The following TNRC18 variants were observed in gnomAD, a reference collection of about 807,000 sequenced individuals.
TNRC18 encodes trinucleotide repeat-containing gene 18 protein.
In TNRC18, 69 loss-of-function variants were observed where a neutral mutation model predicts 226.7. The ratio of observed to expected loss-of-function variants is 0.30; its 90% CI spans 0.25 to 0.37. TNRC18 has a LOEUF of 0.37. Among genes scored for constraint, TNRC18 ranks in the 10% least tolerant of loss-of-function variants. The pLI is 1.00. For missense variants in TNRC18, 4,754 were observed against 4,256.6 expected (o/e 1.12, Z -3.25); for synonymous variants, 2,449 against 1,927.6 (o/e 1.27, Z -7.09).
intron 2 of TNRC18, among the ~76,000 whole-genome samples, chr7:5,406,794 T>C (rs989352997): frequency 1.4e-5 from 2 of 147,314 alleles, no homozygotes; most frequent in Non-Finnish European, 3.0e-5. Flanking sequence ...GAGGTTGCAG[T>C]GAGCCGAGAT....
intron 9 of TNRC18, 31 bp downstream of exon 9, chr7:5,376,003 A>C: frequency 2.6e-6 from 4 of 1,560,618 alleles, no homozygotes; most frequent in Non-Finnish European, 3.5e-6. Flanking sequence ...GGGCCCCCAG[A>C]GGGAGCTGCG....
intron 10 of TNRC18, among the ~76,000 whole-genome samples, chr7:5,372,319 C>T (rs1053099031): frequency 1.3e-5 from 2 of 151,608 alleles, no homozygotes; most frequent in Admixed American, 6.6e-5. Context: ...CCTCGTGATC[C>T]GCCCGCCTCA....
At chr7:5,418,008 C>T (rs1782297805) in intron 2 of TNRC18, among the ~76,000 whole-genome samples, 1 of 152,180 alleles carries the variant, frequency 6.6e-6, no homozygotes, top group South Asian at 2.1e-4. Context: ...GTTAGCCAAG[C>T]CAGAGTGCAG....
rs1225387399 is a variant in TNRC18 at position 5,332,892 on chromosome 7, G to C, written c.5877C>G (p.Asp1959Glu). The change falls in exon 19 of 30, where the codon GAC (aspartate) becomes GAG (glutamate). Residue 1959 changes from aspartate to glutamate, a missense_variant. Physicochemically the swap from Asp to Glu is conservative, Grantham distance 45. Coordinates refer to ENST00000430969, the MANE Select transcript of TNRC18 (RefSeq NM_001080495.3). ...CCTTCTCCACCGCCAGCTTGGCCTT[G>C]TCTGGGCTGCTGGGGTCGGGACCGC... ...GARGPDPSSPDKAKLAVEKGR... is the reference protein window; with the variant it reads ...GARGPDPSSPEKAKLAVEKGR... 7.2e-6 allele frequency: 11 copies of C among 1,531,730 alleles called. No individual in the cohort carries two copies. The highest frequency in any genetic ancestry group is 9.6e-6 in the Non-Finnish European group (11 of 1,147,100). 94.9% of individuals were successfully genotyped at this position (1,531,730 alleles called of 1,614,324 possible).
intron 5 of TNRC18, 63 bp downstream of exon 5, chr7:5,387,609 T>A: frequency 1.3e-6 from 2 of 1,584,404 alleles, no homozygotes; most frequent in Non-Finnish European, 8.5e-7. Context: ...CACACTGTAA[T>A]GTACGGGAAA....
In TNRC18 at chr7:5,313,222, A is replaced by T. The variant is rs1230403751; in HGVS notation, c.7669T>A (p.Ser2557Thr). 1.6e-5 allele frequency: 25 copies of T among 1,547,174 alleles called. No homozygotes were observed. Among genetic ancestry groups the T allele is most frequent in the Non-Finnish European group, 2.2e-5 (25 of 1,146,438 alleles). The change falls in exon 27 of 30, where the codon TCC becomes ACC. Residue 2557 changes from serine to threonine, a missense_variant. Ser to Thr is a moderately conservative substitution (Grantham distance 58, BLOSUM62 1). Coordinates refer to ENST00000430969, the MANE Select transcript of TNRC18 (RefSeq NM_001080495.3). The part of the protein sequence containing the change: ...AQAEQDGAEE[S>T]ESSSSSSSGS... ...CTACTGCTGCTGCTGCTGCTCTCGG[A>T]CTCTTCGGCCCCGTCCTGCTCAGCC...
rs190681415 is a variant in TNRC18 at position 5,352,243 on chromosome 7, G to A, written c.5195-149C>T. 223 of 808,200 alleles carry A rather than the reference G, an allele frequency of 2.8e-4. No individual in the cohort carries two copies. The African/African-American group carries it at 3.6e-3, about 13-fold the overall frequency. The allele number at this position is 808,200 out of a possible 1,614,324, so 50.1% of individuals were successfully genotyped here. On this transcript the variant is annotated intron_variant, in intron 16 of 29. Transcript: ENST00000430969. The stretch of plus-strand genomic sequence containing the variant: ...TAGTAGGCGGCCGTACAAAGGCCTT[G>A]CCCCATGTCACCAGCTCCCCTCCCA...
At chr7:5,360,035 G>A (rs748877028) in intron 14 of TNRC18, among the ~76,000 whole-genome samples, 13 of 151,420 alleles carry the variant, frequency 8.6e-5, no homozygotes, top group Non-Finnish European at 1.6e-4. Flanking sequence ...CTGGAATCCC[G>A]TGCGCAGTGG....
At chr7:5,334,461 AT>A (rs10706914) in intron 18 of TNRC18, among the ~76,000 whole-genome samples, 38,672 of 140,058 alleles carry the variant, frequency 0.28, 5,463 homozygotes, top group Admixed American at 0.37. Context: ...CACGCCTGGC[AT>A]TTTTTTTTTT....
chr7:5,354,837 C>A (rs184933497), intron 16 of TNRC18, among the ~76,000 whole-genome samples: 2 of 152,282 alleles, frequency 1.3e-5, no homozygotes, highest in Admixed American at 6.5e-5. Flanking sequence ...CCAACGACCC[C>A]GTAAAGCAGG....
Position 5,307,996 on chromosome 7 carries a change from G to T in TNRC18, c.*110C>A. 1 of 1,033,348 alleles carries T rather than the reference G, an allele frequency of 9.7e-7. No individual in the cohort carries two copies. Among genetic ancestry groups the T allele is most frequent in the Non-Finnish European group, 1.4e-6 (1 of 710,856 alleles). 64.0% of individuals were successfully genotyped at this position (1,033,348 alleles called of 1,614,324 possible). A position where few individuals can be genotyped will look rare whatever the true frequency, so the allele number is the denominator to read the frequency against. On this transcript the variant is annotated 3_prime_UTR_variant, in exon 30 of 30. Coordinates refer to ENST00000430969, the MANE Select transcript of TNRC18 (RefSeq NM_001080495.3). The stretch of plus-strand genomic sequence containing the variant: ...CACACCTGGCCCCATGCACACGCCT[G>T]CAGGAGCGCTCGCATGCACACAACG...
chr7:5,341,417 T>TA (rs1252723088), intron 18 of TNRC18, among the ~76,000 whole-genome samples: 1 of 47,752 alleles, frequency 2.1e-5, no homozygotes, highest in Non-Finnish European at 3.6e-5. Context: ...AGACTCCATC[T>TA]CAAAAAAAAA....
chr7:5,338,926 GAAAAA>G (rs778716584), intron 18 of TNRC18, among the ~76,000 whole-genome samples: 1 of 64,328 alleles, frequency 1.6e-5, no homozygotes, highest in South Asian at 6.1e-4. Flanking sequence ...ATCTCAAAAG[GAAAAA>G]AAAAAAAAAA....
chr7:5,344,311 C>T (rs972346860), intron 18 of TNRC18, among the ~76,000 whole-genome samples: 4 of 152,262 alleles, frequency 2.6e-5, no homozygotes, highest in Non-Finnish European at 4.4e-5. Context: ...AGGTTCTGGG[C>T]AGAAGAGTGG....
In TNRC18 at chr7:5,345,547, C is replaced by T. The variant is rs1254116004; in HGVS notation, c.5719+15G>A. 8.3e-6 allele frequency: 12 copies of T among 1,447,872 alleles called. No homozygotes were observed. Among genetic ancestry groups the T allele is most frequent in the Non-Finnish European group, 9.1e-6 (10 of 1,093,260 alleles). 89.7% of individuals were successfully genotyped at this position (1,447,872 alleles called of 1,614,324 possible). The stretch of plus-strand genomic sequence containing the variant: ...TCCCACCCACCCCCACCGCAGCCCA[C>T]CTGCTGCCACTTACCCAGCAGGCTC... On this transcript the variant is annotated intron_variant, in intron 18 of 29. Transcript: ENST00000430969.
At position 5,309,250 on chromosome 7, in the gene TNRC18, G is replaced by A; in HGVS notation, c.8507C>T (p.Pro2836Leu). 6.2e-7 allele frequency: 1 copy of A among 1,613,888 alleles called. No individual in the cohort carries two copies. The highest frequency in any genetic ancestry group is 8.5e-7 in the Non-Finnish European group (1 of 1,179,828). Residue 2836 changes from proline to leucine, a missense_variant, in exon 28 of 30, where the codon CCC (proline) becomes CTC (leucine). Transcript: ENST00000430969. This position sits in a 1 kb window ranked among gnomAD's most constrained non-coding sequence, Gnocchi z 5.7. ...CATGCTCTGGATGCGGCCGATGTAGGGCAGGTTGGGGCGGCCGGCAGAGAG... is the reference window on the plus strand; with the variant it reads ...CATGCTCTGGATGCGGCCGATGTAGAGCAGGTTGGGGCGGCCGGCAGAGAG... The part of the protein sequence containing the change: ...VFLSAGRPNL[P>L]YIGRIQSMWE...
At position 5,332,547 on chromosome 7, in the gene TNRC18, G is replaced by A. The variant is rs1789640031; in HGVS notation, c.6147+75C>T. 3 of 1,431,952 alleles carry A rather than the reference G, an allele frequency of 2.1e-6. No individual in the cohort carries two copies. In the African/African-American group the frequency reaches 4.6e-5, roughly 22 times the overall value. The allele number at this position is 1,431,952 out of a possible 1,614,324, so 88.7% of individuals were successfully genotyped here. On this transcript the variant is annotated intron_variant, in intron 19 of 29. Transcript: ENST00000430969. The stretch of plus-strand genomic sequence containing the variant: ...AACAGTGAAGCCGCTTCCCTAGGCT[G>A]GGAGGGGAGAGGGCCCCTCCCTCAC...
chr7:5,335,885 C>T (rs1236583261), intron 18 of TNRC18, among the ~76,000 whole-genome samples: 3 of 150,758 alleles, frequency 2.0e-5, no homozygotes, highest in Non-Finnish European at 4.4e-5. Context: ...ACAACCTCAG[C>T]CCCACAATGT....
chr7:5,315,920 T>C (rs765925442), intron 25 of TNRC18, 36 bp downstream of exon 25: 3 of 1,498,122 alleles, frequency 2.0e-6, no homozygotes, highest in African/African-American at 1.4e-5. Context: ...GGGCGGCCCC[T>C]GGCAGGAGAC....
Sources: allele counts gnomAD v4.1 joint callset (sites outside exome capture counted in the v4.1 genomes callset), GRCh38; gene constraint gnomAD v4.1.1; non-coding constraint Gnocchi (gnomAD v3.1); transcripts MANE v1.5; gene names NCBI Gene and HGNC (gene_info 2026-07-23, HGNC 2026-07-21).